The following TUSC3 variants were observed in gnomAD, a reference collection of about 807,000 sequenced individuals.
TUSC3 encodes the protein tumor suppressor candidate 3.
A neutral mutation model predicts 44.8 loss-of-function variants in TUSC3; 45 were observed. That is an observed-to-expected ratio of 1.00 (90% CI 0.79 to 1.29). TUSC3 has a LOEUF of 1.29. TUSC3 is among the 50% of genes most tolerant of loss of function. TUSC3 has a pLI of 0.00. For synonymous variants in TUSC3, 212 were observed against 152.9 expected (o/e 1.39, Z -2.85); for missense variants, 519 against 437.9 (o/e 1.19, Z -1.65).
At position 15,757,773 on chromosome 8, in the gene TUSC3, T is replaced by C. The variant is rs1203471801; in HGVS notation, c.1029-18T>C. 9 of 1,478,564 alleles carry C rather than the reference T, an allele frequency of 6.1e-6. No homozygotes were observed. Among genetic ancestry groups the C allele is most frequent in the Non-Finnish European group, 8.5e-6 (9 of 1,056,824 alleles). The allele number at this position is 1,478,564 out of a possible 1,614,324, so 91.6% of individuals were successfully genotyped here. A position where few individuals can be genotyped will look rare whatever the true frequency, so the allele number is the denominator to read the frequency against. On this transcript the variant is annotated intron_variant, in intron 9 of 10. Transcript: ENST00000503731. ...ATTTTTTCCATATTGTTGTATTTCA[T>C]TGTGGTGTATTGGAAAGTGATCTGG...
At chr8:15,521,393 C>T (rs992032036) in intron 2 of TUSC3, among the ~76,000 whole-genome samples, 1 of 151,998 alleles carries the variant, frequency 6.6e-6, no homozygotes, top group Non-Finnish European at 1.5e-5. Flanking sequence ...TGAGGGGCAG[C>T]AGGAATGAAA....
the TUSC3 span, among the ~76,000 whole-genome samples, chr8:15,841,886 A>T: frequency 6.6e-6 from 1 of 152,226 alleles, no homozygotes; most frequent in Non-Finnish European, 1.5e-5. Context: ...ATTCAGCTTA[A>T]ATACAAGCCA....
chr8:15,477,584 A>T (rs1277021145), intron 1 of TUSC3, among the ~76,000 whole-genome samples: 1 of 151,906 alleles, frequency 6.6e-6, no homozygotes, highest in Non-Finnish European at 1.5e-5. Flanking sequence ...TAGCCAAGTG[A>T]GGTGGCGGGT....
At chr8:15,847,769 T>C in the TUSC3 span, among the ~76,000 whole-genome samples, 1 of 152,170 alleles carries the variant, frequency 6.6e-6, no homozygotes, top group Non-Finnish European at 1.5e-5. Flanking sequence ...GCTTTTCTCA[T>C]AGAGTAGCAA....
chr8:15,659,740 C>G (rs2129179143), intron 4 of TUSC3, 93 bp downstream of exon 4: 2 of 1,524,930 alleles, frequency 1.3e-6, no homozygotes, highest in East Asian at 2.3e-5. Flanking sequence ...TTTTTAATTT[C>G]TCTATGGTTG....
intron 1 of TUSC3, among the ~76,000 whole-genome samples, chr8:15,615,927 A>C (rs1368777358): frequency 2.0e-5 from 3 of 152,128 alleles, no homozygotes; most frequent in Non-Finnish European, 4.4e-5. Context: ...GAACTTGTGG[A>C]CTCAAGTGAT....
chr8:15,807,011 G>T, the TUSC3 span: 1 of 1,447,212 alleles, frequency 6.9e-7, no homozygotes, highest in Non-Finnish European at 9.7e-7. Context: ...TCCAAAGAAG[G>T]TGCTCCTGCA....
chr8:15,483,233 T>A (rs938780659), intron 1 of TUSC3, among the ~76,000 whole-genome samples: 1 of 152,220 alleles, frequency 6.6e-6, no homozygotes, highest in African/African-American at 2.4e-5. Flanking sequence ...TACTTCTAAT[T>A]TTCAGGCAAA....
chr8:15,772,926 A>C, the TUSC3 span, among the ~76,000 whole-genome samples: 29 of 107,960 alleles, frequency 2.7e-4, 1 homozygote, highest in Middle Eastern at 0.035. Context: ...GTTGATGCAG[A>C]AAAAGCATTT....
intron 2 of TUSC3, among the ~76,000 whole-genome samples, chr8:15,487,318 C>T (rs1473436293): frequency 2.0e-5 from 3 of 152,072 alleles, no homozygotes; most frequent in South Asian, 2.1e-4. Flanking sequence ...CAAGATTTGT[C>T]TCGTGATTTA....
At chr8:15,535,054 T>C (rs1449234525) in intron 2 of TUSC3, among the ~76,000 whole-genome samples, 2 of 152,246 alleles carry the variant, frequency 1.3e-5, no homozygotes, top group Admixed American at 6.5e-5. Context: ...TCTCAGGCCA[T>C]ATTATTTTGC....
intron 2 of TUSC3, among the ~76,000 whole-genome samples, chr8:15,516,925 C>T (rs568247393): frequency 8.5e-5 from 13 of 152,172 alleles, no homozygotes; most frequent in Admixed American, 7.8e-4. Context: ...TTAATAAGTT[C>T]ATGCTCTTGA....
intron 1 of TUSC3, among the ~76,000 whole-genome samples, chr8:15,577,855 T>G (rs1480499754): frequency 2.0e-5 from 3 of 150,548 alleles, no homozygotes; most frequent in African/African-American, 7.4e-5. Flanking sequence ...GTGAGGAAAG[T>G]CATTGGTAGC....
At chr8:15,644,045 C>T (rs961611640) in intron 2 of TUSC3, among the ~76,000 whole-genome samples, 1 of 152,152 alleles carries the variant, frequency 6.6e-6, no homozygotes, top group East Asian at 1.9e-4. Flanking sequence ...CTTCTTAAAA[C>T]ATCTCTTTAA....
chr8:15,537,716 C>T (rs1462545868), upstream of TUSC3, among the ~76,000 whole-genome samples: 17 of 152,088 alleles, frequency 1.1e-4, no homozygotes, highest in Non-Finnish European at 5.9e-5. Flanking sequence ...AAATGGAAGA[C>T]AGCTTTGAGG....
chr8:15,491,160 C>A (rs938035175), intron 2 of TUSC3, among the ~76,000 whole-genome samples: 1 of 152,148 alleles, frequency 6.6e-6, no homozygotes. Context: ...ATAGAGAAAG[C>A]AGTCAGACCT....
intron 3 of TUSC3, 61 bp from the exon 4 acceptor site, chr8:15,659,446 A>G (rs1203978134): frequency 4.4e-5 from 69 of 1,576,894 alleles, no homozygotes; most frequent in Non-Finnish European, 5.9e-5. Flanking sequence ...GAAAAAGTGT[A>G]AAATATTGGA....
intron 1 of TUSC3, among the ~76,000 whole-genome samples, chr8:15,620,097 C>T (rs1260726397): frequency 2.0e-5 from 3 of 152,116 alleles, no homozygotes; most frequent in Non-Finnish European, 2.9e-5. Flanking sequence ...AAATAAGATA[C>T]CATTGTCGAT....
the TUSC3 span, among the ~76,000 whole-genome samples, chr8:15,775,689 T>TAC: frequency 6.4e-5 from 4 of 62,376 alleles, no homozygotes; most frequent in East Asian, 7.4e-4. Flanking sequence ...AATACATATG[T>TAC]ACACACACAC....
Sources: allele counts gnomAD v4.1 joint callset (sites outside exome capture counted in the v4.1 genomes callset), GRCh38; gene constraint gnomAD v4.1.1; transcripts MANE v1.5; gene names NCBI Gene and HGNC (gene_info 2026-07-23, HGNC 2026-07-21).